SCN1B: variants seen among roughly 807,000 people sequenced by gnomAD.
SCN1B encodes the protein sodium voltage-gated channel beta subunit 1.
A neutral mutation model predicts 25.7 loss-of-function variants in SCN1B; 11 were observed. That is an observed-to-expected ratio of 0.43 (90% confidence interval 0.27 to 0.71). SCN1B has a LOEUF of 0.71. Among genes scored for constraint, SCN1B ranks in the 30% least tolerant of loss-of-function variants. The pLI is 0.21. For synonymous variants in SCN1B, 119 were observed against 117.5 expected (o/e 1.01, Z -0.08); for missense variants, 224 against 291.5 (o/e 0.77, Z 1.69).
At chr19:35,038,112 T>C (rs796591603) in intron 3 of SCN1B, 7 of 152,244 alleles carry the variant, frequency 4.6e-5, no homozygotes, top group African/African-American at 1.7e-4. Context: ...CAGAAAGCAC[T>C]GGTGCCATCT....
At position 35,039,590 on chromosome 19, in the gene SCN1B, C is replaced by T. The variant is rs1378282140; in HGVS notation, c.591-45C>T. ...TTCCCCCATCCCCCGGGGGTTGGGT[C>T]GGTCTGATGATGGGGTCACTGTATA... On this transcript the variant is annotated intron_variant, in intron 4 of 5. Transcript: ENST00000262631. 6.2e-6 allele frequency: 10 copies of T among 1,600,160 alleles called. No homozygotes were observed. The East Asian group carries it at 6.7e-5, about 11-fold the overall frequency.
In SCN1B at chr19:35,039,996, G is replaced by A. The variant is rs1600371968; in HGVS notation, c.*205G>A. The A allele has an allele frequency of 4.2e-6, 2 of 474,104 alleles. No individual in the cohort carries two copies. The highest frequency in any genetic ancestry group is 3.9e-5 in the East Asian group (1 of 25,358). The allele number at this position is 474,104 out of a possible 1,614,324, so 29.4% of individuals were successfully genotyped here. On this transcript the variant is annotated 3_prime_UTR_variant, in exon 6 of 6. Transcript: ENST00000262631. ...CTCCAGCTCCTGCCCCGCCGGCCGC[G>A]CACCGCCATGCATGATGGGTAAAGC...
chr19:35,031,401 G>A (rs1205374504), intron 1 of SCN1B: 1 of 152,220 alleles, frequency 6.6e-6, no homozygotes, highest in Non-Finnish European at 1.5e-5. Context: ...GACTGAGCGC[G>A]ATGGAGAAAG....
intron 3 of SCN1B, chr19:35,037,436 T>C (rs989357972): frequency 6.6e-6 from 1 of 152,076 alleles, no homozygotes; most frequent in Non-Finnish European, 1.5e-5. Context: ...CTAAATCCAT[T>C]TGGGCACTGA....
intron 3 of SCN1B, chr19:35,034,122 A>G: frequency 1.3e-6 from 2 of 1,551,456 alleles, no homozygotes; most frequent in Non-Finnish European, 1.7e-6. Context: ...CATGGGGTTC[A>G]TGAGGATTGA....
At chr19:35,034,470 T>C in intron 3 of SCN1B, 1 of 267,924 alleles carries the variant, frequency 3.7e-6, no homozygotes, top group Non-Finnish European at 7.2e-6. Context: ...TCAGCCACCC[T>C]GGACCCCTTT....
At position 35,033,519 on chromosome 19, in the gene SCN1B, G is replaced by A. The variant is rs992954476; in HGVS notation, c.228G>A (p.Glu76=). 32 of 1,613,896 alleles carry A rather than the reference G, an allele frequency of 2.0e-5. 1 individual carries two copies. Among genetic ancestry groups the A allele is most frequent in the South Asian group, 3.3e-5 (3 of 91,078 alleles). The change falls in exon 3 of 6, where the codon GAG becomes GAA. Residue 76 remains glutamate, a synonymous_variant. Coordinates refer to ENST00000262631, the MANE Select transcript of SCN1B (RefSeq NM_001037.5). ...CCTAGATCCTGCGCTATGAGAATGA[G>A]GTGTTGCAGCTGGAGGAGGATGAGC... ...EFVKILRYEN[E]VLQLEEDERF...
At chr19:35,034,242 G>T in intron 3 of SCN1B, 1 of 1,408,290 alleles carries the variant, frequency 7.1e-7, no homozygotes, top group Non-Finnish European at 9.5e-7. Flanking sequence ...TGGTGATGAG[G>T]CAAGAGAGCG....
chr19:35,030,711 G>A lies in SCN1B; in HGVS notation c.-110G>A. The A allele has an allele frequency of 3.6e-6, 1 of 278,502 alleles. No individual in the cohort carries two copies. Among genetic ancestry groups the A allele is most frequent in the South Asian group, 4.9e-5 (1 of 20,474 alleles). The allele number at this position is 278,502 out of a possible 1,614,324, so 17.3% of individuals were successfully genotyped here. Reference sequence around the variant, plus strand: ...CGCCGGTCCCAGAGCCGCAGCTGCTGCGCCCGCGCGCTCCCGGGGACATTC... The same window carrying A: ...CGCCGGTCCCAGAGCCGCAGCTGCTACGCCCGCGCGCTCCCGGGGACATTC... On this transcript the variant is annotated 5_prime_UTR_variant, in exon 1 of 6. Transcript: ENST00000262631.
At position 35,032,909 on chromosome 19, in the gene SCN1B, G is replaced by A. The variant is rs150548281; in HGVS notation, c.207+215G>A. On this transcript the variant is annotated intron_variant, in intron 2 of 5. Coordinates refer to ENST00000262631, the MANE Select transcript of SCN1B (RefSeq NM_001037.5). The surrounding 1 kb of genome is among the most constrained non-coding windows in gnomAD (Gnocchi z 4.3). ...TTTCCTCCTCGGTAAAGACGGGGTGGCGGTGGTCTCTAGCCCATAGGTTTG... is the reference window on the plus strand; with the variant it reads ...TTTCCTCCTCGGTAAAGACGGGGTGACGGTGGTCTCTAGCCCATAGGTTTG... Among the ~76,000 whole-genome samples, 322 of 152,306 alleles carry A rather than the reference G, an allele frequency of 2.1e-3. 1 individual carries two copies. Among genetic ancestry groups the A allele is most frequent in the Non-Finnish European group, 3.7e-3 (249 of 68,022 alleles).
rs200126026 is a variant in SCN1B, at chr19:35,033,699, C to T, written c.408C>T (p.Thr136=). The T allele has an allele frequency of 1.9e-6, 3 of 1,614,166 alleles. No homozygotes were observed. The East Asian group carries it at 6.7e-5, about 36-fold the overall frequency. Residue 136 remains threonine, a synonymous_variant, in exon 3 of 6, where the codon ACC becomes ACT. Coordinates refer to ENST00000262631, the MANE Select transcript of SCN1B (RefSeq NM_001037.5). Reference sequence around the variant, plus strand: ...TCTTCGAAAACTACGAGCACAACACCAGCGTCGTCAAGAAGATCCACATTG... The same window carrying T: ...TCTTCGAAAACTACGAGCACAACACTAGCGTCGTCAAGAAGATCCACATTG... ...LLFFENYEHN[T]SVVKKIHIEV...
chr19:35,030,702 G>A lies in SCN1B; in HGVS notation c.-119G>A. Reference sequence around the variant, plus strand: ...CTCCCCCCTCGCCGGTCCCAGAGCCGCAGCTGCTGCGCCCGCGCGCTCCCG... The same window carrying A: ...CTCCCCCCTCGCCGGTCCCAGAGCCACAGCTGCTGCGCCCGCGCGCTCCCG... On this transcript the variant is annotated 5_prime_UTR_variant, in exon 1 of 6. Transcript: ENST00000262631. 1 of 217,114 alleles carries A rather than the reference G, an allele frequency of 4.6e-6. No homozygotes were observed. Among genetic ancestry groups the A allele is most frequent in the Non-Finnish European group, 9.0e-6 (1 of 111,378 alleles). The allele number at this position is 217,114 out of a possible 1,614,324, so 13.4% of individuals were successfully genotyped here.
At chr19:35,038,065 G>A (rs1035228467) in intron 3 of SCN1B, 1 of 152,136 alleles carries the variant, frequency 6.6e-6, no homozygotes, top group African/African-American at 2.4e-5. Context: ...GGCAGGCAGG[G>A]GGGGCATCCG....
chr19:35,034,178 G>A lies in SCN1B; in HGVS notation c.448+439G>A. 3 of 1,542,992 alleles carry A rather than the reference G, an allele frequency of 1.9e-6. No homozygotes were observed. In the South Asian group the frequency reaches 3.6e-5, roughly 19 times the overall value. Reference sequence around the variant, plus strand: ...GGCTTCCAGCAGAGCCTTGCAGGTGGTGGCGAGGGTGGCGGTTCTTACTGT... The same window carrying A: ...GGCTTCCAGCAGAGCCTTGCAGGTGATGGCGAGGGTGGCGGTTCTTACTGT... On this transcript the variant is annotated intron_variant, in intron 3 of 5. Coordinates refer to ENST00000262631, the MANE Select transcript of SCN1B (RefSeq NM_001037.5).
Position 35,032,797 on chromosome 19 carries a change from G to A in SCN1B, c.207+103G>A. ...GGGCTTATTTGTTTAATAATATGCT[G>A]TGATTGCTGACCTGGATTCAGATTC... On this transcript the variant is annotated intron_variant, in intron 2 of 5. Transcript: ENST00000262631. The surrounding 1 kb of genome is among the most constrained non-coding windows in gnomAD (Gnocchi z 4.3). 1 of 1,350,554 alleles carries A rather than the reference G, an allele frequency of 7.4e-7. No homozygotes were observed. Among genetic ancestry groups the A allele is most frequent in the Non-Finnish European group, 1.0e-6 (1 of 961,582 alleles). The allele number at this position is 1,350,554 out of a possible 1,614,324, so 83.7% of individuals were successfully genotyped here. A position where few individuals can be genotyped will look rare whatever the true frequency, so the allele number is the denominator to read the frequency against.
Position 35,032,772 on chromosome 19 carries a change from G to T in SCN1B, c.207+78G>T. On this transcript the variant is annotated intron_variant, in intron 2 of 5. Transcript: ENST00000262631. This position sits in a 1 kb window ranked among gnomAD's most constrained non-coding sequence, Gnocchi z 4.3. ...GCGGTGGGGCTGGATCTCAGGGAGG[G>T]GGCTTATTTGTTTAATAATATGCTG... The T allele has an allele frequency of 2.0e-6, 3 of 1,509,254 alleles. No individual in the cohort carries two copies. Among genetic ancestry groups the T allele is most frequent in the Non-Finnish European group, 2.7e-6 (3 of 1,095,008 alleles). 93.5% of individuals were successfully genotyped at this position (1,509,254 alleles called of 1,614,324 possible).
chr19:35,030,718 C>T lies in SCN1B; in HGVS notation c.-103C>T. On this transcript the variant is annotated 5_prime_UTR_variant, in exon 1 of 6. Coordinates refer to ENST00000262631, the MANE Select transcript of SCN1B (RefSeq NM_001037.5). ...CCCAGAGCCGCAGCTGCTGCGCCCG[C>T]GCGCTCCCGGGGACATTCTAACCGC... 1 of 299,364 alleles carries T rather than the reference C, an allele frequency of 3.3e-6. No individual in the cohort carries two copies. The allele number at this position is 299,364 out of a possible 1,614,324, so 18.5% of individuals were successfully genotyped here. A position where few individuals can be genotyped will look rare whatever the true frequency, so the allele number is the denominator to read the frequency against.
intron 3 of SCN1B, chr19:35,037,668 A>C (rs1059841): frequency 6.6e-6 from 1 of 151,460 alleles, no homozygotes; most frequent in East Asian, 2.0e-4. Context: ...TGTGGAGGCC[A>C]GGTGTAGTGG....
chr19:35,031,946 G>A (rs921033415), intron 1 of SCN1B, among the ~76,000 whole-genome samples: 1 of 152,170 alleles, frequency 6.6e-6, no homozygotes, highest in Non-Finnish European at 1.5e-5. Flanking sequence ...GAGAGGCCGG[G>A]GAGGGGATGG....
Sources: allele counts gnomAD v4.1 joint callset (sites outside exome capture counted in the v4.1 genomes callset), GRCh38; gene constraint gnomAD v4.1.1; non-coding constraint Gnocchi (gnomAD v3.1); transcripts MANE v1.5; gene names NCBI Gene and HGNC (gene_info 2026-07-23, HGNC 2026-07-21).